The following E2F2 variants were observed in gnomAD, a reference collection of about 807,000 sequenced individuals.
E2F2 encodes the protein transcription factor E2F2.
A neutral mutation model predicts 42.2 loss-of-function variants in E2F2; 22 were observed. The ratio of observed to expected loss-of-function variants is 0.52; its 90% confidence interval spans 0.37 to 0.74. The LOEUF is 0.74. Among genes scored for constraint, E2F2 ranks in the 30% least tolerant of loss-of-function variants. E2F2 has a pLI of 0.00. For synonymous variants in E2F2, 248 were observed against 251.6 expected (o/e 0.99, Z 0.13); for missense variants, 481 against 557.8 (o/e 0.86, Z 1.39).
chr1:23,523,175 A>G (rs917285128), intron 2 of E2F2, among the ~76,000 whole-genome samples: 6 of 143,186 alleles, frequency 4.2e-5, no homozygotes, highest in Admixed American at 3.5e-4. Context: ...TTTTTTGGAG[A>G]TGGAGTCTCA....
intron 5 of E2F2, among the ~76,000 whole-genome samples, chr1:23,517,181 C>A (rs534011403): frequency 2.6e-5 from 4 of 152,326 alleles, no homozygotes; most frequent in Admixed American, 2.6e-4. Flanking sequence ...CCTACCCATA[C>A]CTCCCGCTGA....
intron 1 of E2F2, among the ~76,000 whole-genome samples, chr1:23,527,556 G>A (rs773272057): frequency 3.3e-5 from 5 of 152,350 alleles, no homozygotes; most frequent in Middle Eastern, 3.4e-3. Context: ...GGGCACCACG[G>A]TGAGGAAACT....
chr1:23,516,804 G>GGC (rs1643031111), intron 5 of E2F2, among the ~76,000 whole-genome samples: 1 of 139,636 alleles, frequency 7.2e-6, no homozygotes, highest in Admixed American at 7.1e-5. Flanking sequence ...GGGGCGGGGG[G>GGC]GGGGGGGCAG....
In E2F2 at chr1:23,510,014, G is replaced by C; in HGVS notation, c.1180C>G (p.Leu394Val). 6.2e-7 allele frequency: 1 copy of C among 1,613,710 alleles called. No homozygotes were observed. The highest frequency in any genetic ancestry group is 8.5e-7 in the Non-Finnish European group (1 of 1,179,908). The change falls in exon 7 of 7, where the codon CTG becomes GTG. Residue 394 changes from leucine to valine, a missense_variant. Physicochemically the swap from Leu to Val is conservative, Grantham distance 32 (BLOSUM62 1). Transcript: ENST00000361729. ...CTGATCAGAGGGGAGCTGCACGCCA[G>C]GGTCGGGGACAGGAACTGGTCCTCA... ...QTEDQFLSPTLACSSPLISFS... is the reference protein window; with the variant it reads ...QTEDQFLSPTVACSSPLISFS...
intron 1 of E2F2, among the ~76,000 whole-genome samples, chr1:23,528,198 A>G (rs1643280737): frequency 6.6e-6 from 1 of 152,242 alleles, no homozygotes; most frequent in South Asian, 2.1e-4. Context: ...GGACTTGGAA[A>G]GAGCTCTGGA....
intron 3 of E2F2, 151 bp downstream of exon 3, chr1:23,521,686 G>C: frequency 6.8e-7 from 1 of 1,459,992 alleles, no homozygotes; most frequent in East Asian, 2.5e-5. Flanking sequence ...AAGCCTATTG[G>C]ATGTTGCTCT....
At chr1:23,517,220 T>C (rs945603676) in intron 5 of E2F2, among the ~76,000 whole-genome samples, 1 of 152,198 alleles carries the variant, frequency 6.6e-6, no homozygotes, top group Non-Finnish European at 1.5e-5. Context: ...TTCTGTTACC[T>C]GTAACCAAGA....
chr1:23,513,519 C>T (rs1318677842), intron 6 of E2F2, among the ~76,000 whole-genome samples: 1 of 151,830 alleles, frequency 6.6e-6, no homozygotes, highest in Non-Finnish European at 1.5e-5. Flanking sequence ...GCTTCTGGCA[C>T]TCAGACCTCA....
At position 23,519,075 on chromosome 1, in the gene E2F2, T is replaced by A. The variant is rs760239009; in HGVS notation, c.793A>T (p.Thr265Ser). 2 of 1,614,036 alleles carry A rather than the reference T, an allele frequency of 1.2e-6. No individual in the cohort carries two copies. The highest frequency in any genetic ancestry group is 1.7e-6 in the Non-Finnish European group (2 of 1,179,948). Residue 265 changes from threonine to serine, a missense_variant, in exon 5 of 7, where the codon ACA (threonine) becomes TCA (serine). By Grantham distance (58) the Thr-to-Ser change is moderately conservative (BLOSUM62 1). Coordinates refer to ENST00000361729, the MANE Select transcript of E2F2 (RefSeq NM_004091.4). ...IRAVGNFKEQ[T>S]VIAVKAPPQT... ...GGAGGGGCCTTGACGGCAATCACTG[T>A]CTGCTCCTTAAAGTTGCCAACAGCA...
chr1:23,514,505 T>G (rs948976360), intron 6 of E2F2, among the ~76,000 whole-genome samples: 11 of 152,046 alleles, frequency 7.2e-5, no homozygotes, highest in African/African-American at 2.7e-4. Context: ...CCTGTGTTCA[T>G]TCATGTGTTA....
downstream of E2F2, among the ~76,000 whole-genome samples, chr1:23,505,706 G>C (rs896525776): frequency 6.6e-6 from 1 of 152,048 alleles, no homozygotes; most frequent in African/African-American, 2.4e-5. Context: ...GTAGAGACGG[G>C]GTTTCACTGT....
chr1:23,515,829 G>A (rs1188609893), intron 6 of E2F2, among the ~76,000 whole-genome samples: 1 of 152,146 alleles, frequency 6.6e-6, no homozygotes, highest in Non-Finnish European at 1.5e-5. Context: ...AGCTTCCCGA[G>A]TAGCTGGACT....
Position 23,509,766 on chromosome 1 carries a change from C to G in E2F2, c.*114G>C. 1 of 1,426,156 alleles carries G rather than the reference C, an allele frequency of 7.0e-7. No homozygotes were observed. The highest frequency in any genetic ancestry group is 9.2e-7 in the Non-Finnish European group (1 of 1,086,418). 88.3% of individuals were successfully genotyped at this position (1,426,156 alleles called of 1,614,324 possible). A position where few individuals can be genotyped will look rare whatever the true frequency, so the allele number is the denominator to read the frequency against. On this transcript the variant is annotated 3_prime_UTR_variant, in exon 7 of 7. Coordinates refer to ENST00000361729, the MANE Select transcript of E2F2 (RefSeq NM_004091.4). ...TGGGGCAGGAAAGGCGAGGAGACCC[C>G]ATGCCCTGAGGGCAGCACCTAGTGT...
rs568652531 is a variant in E2F2, at chr1:23,527,754, A to T, written c.252+2788T>A. Among the ~76,000 whole-genome samples the T allele has an allele frequency of 5.9e-5, 9 of 152,086 alleles. No homozygotes were observed. In the South Asian group the frequency reaches 1.9e-3, roughly 32 times the overall value. On this transcript the variant is annotated intron_variant, in intron 1 of 6. Coordinates refer to ENST00000361729, the MANE Select transcript of E2F2 (RefSeq NM_004091.4). ...CACTGTCTTGCCTCTCTGAGCCTAC[A>T]CCTCCTCACCTGACCTGCCTTGTAG...
downstream of E2F2, among the ~76,000 whole-genome samples, chr1:23,506,042 C>G (rs903261742): frequency 2.6e-5 from 4 of 152,156 alleles, no homozygotes; most frequent in Non-Finnish European, 5.9e-5. Context: ...AAGTGATCCA[C>G]CGCACCCAGC....
chr1:23,509,180 C>T lies in E2F2; in HGVS notation c.*700G>A, dbSNP rs143340216. 8.0e-3 allele frequency: 1,215 copies of T among 152,228 alleles called. 9 individuals carry two copies. Among genetic ancestry groups the T allele is most frequent in the Non-Finnish European group, 0.012 (792 of 68,022 alleles). 9.4% of individuals were successfully genotyped at this position (152,228 alleles called of 1,614,324 possible). A position where few individuals can be genotyped will look rare whatever the true frequency, so the allele number is the denominator to read the frequency against. ...CCTGGGACCATCTCTGGGACAGAGGCGACCAGGAAGCCAAGACCGGCAGCT... is the reference window on the plus strand; with the variant it reads ...CCTGGGACCATCTCTGGGACAGAGGTGACCAGGAAGCCAAGACCGGCAGCT... On this transcript the variant is annotated 3_prime_UTR_variant, in exon 7 of 7. Coordinates refer to ENST00000361729, the MANE Select transcript of E2F2 (RefSeq NM_004091.4).
At position 23,531,067 on chromosome 1, in the gene E2F2, GC is replaced by G; in HGVS notation, c.-275del. The G allele has an allele frequency of 2.8e-6, 1 of 361,350 alleles. No individual in the cohort carries two copies. Among genetic ancestry groups the G allele is most frequent in the Non-Finnish European group, 4.9e-6 (1 of 203,000 alleles). 22.4% of individuals were successfully genotyped at this position (361,350 alleles called of 1,614,324 possible). On this transcript the variant is annotated 5_prime_UTR_variant, in exon 1 of 7. Coordinates refer to ENST00000361729, the MANE Select transcript of E2F2 (RefSeq NM_004091.4). The stretch of plus-strand genomic sequence containing the variant: ...TCCCGAGGGCACCGCGACCCGGGAC[GC>G]CCCGCGCTCCCCAAGGCCTCGGCAC...
chr1:23,516,513 T>C lies in E2F2; in HGVS notation c.867A>G (p.Ile289Met), dbSNP rs146030461. Residue 289 changes from isoleucine to methionine, a missense_variant, in exon 6 of 7, where the codon ATA (isoleucine) becomes ATG (methionine). Ile to Met is a conservative substitution (Grantham distance 10, BLOSUM62 1). Transcript: ENST00000361729. Reference sequence around the variant, plus strand: ...TGGGCCCTTGGGTGCTCTTGAGATATATCTGCAGGTTGTCCTGGAGGAGGA... The same window carrying C: ...TGGGCCCTTGGGTGCTCTTGAGATACATCTGCAGGTTGTCCTGGAGGAGGA... ...VPDRTEDNLQ[I>M]YLKSTQGPIE... 37 of 1,605,536 alleles carry C rather than the reference T, an allele frequency of 2.3e-5. No individual in the cohort carries two copies. The highest frequency in any genetic ancestry group is 4.0e-5 in the African/African-American group (3 of 74,416).
chr1:23,517,617 G>A (rs1643049567), intron 5 of E2F2, among the ~76,000 whole-genome samples: 1 of 152,218 alleles, frequency 6.6e-6, no homozygotes, highest in Non-Finnish European at 1.5e-5. Flanking sequence ...AGGGATACAA[G>A]GTGAGTAGAA....
Sources: allele counts gnomAD v4.1 joint callset (sites outside exome capture counted in the v4.1 genomes callset), GRCh38; gene constraint gnomAD v4.1.1; transcripts MANE v1.5; gene names NCBI Gene and HGNC (gene_info 2026-07-23, HGNC 2026-07-21).